BTN3A3: variants seen among roughly 807,000 people sequenced by gnomAD.
BTN3A3 encodes butyrophilin 3.
A neutral mutation model predicts 43.2 loss-of-function variants in BTN3A3; 39 were observed. The ratio of observed to expected loss-of-function variants is 0.90; its 90% CI spans 0.70 to 1.18. The LOEUF (loss-of-function observed/expected upper bound fraction) is 1.18. BTN3A3 is among the 50% of genes most tolerant of loss of function. BTN3A3 has a pLI of 0.00. For synonymous variants in BTN3A3, 255 were observed against 272.7 expected (o/e 0.93, Z 0.64); for missense variants, 631 against 722.8 (o/e 0.87, Z 1.46).
intron 10 of BTN3A3, among the ~76,000 whole-genome samples, chr6:26,450,927 TCTC>T (rs144599817): frequency 9.5e-4 from 145 of 152,232 alleles, no homozygotes; most frequent in African/African-American, 3.2e-3. Flanking sequence ...ACAGTGTGTC[TCTC>T]CTTTCTTTCT....
Position 26,452,267 on chromosome 6 carries a change from C to T in BTN3A3, c.1611C>T (p.Thr537=), listed in dbSNP as rs751555402. ...ATCATTCCCTGGAGACACCACTGAC[C>T]CCGGGCTTAGCTAATGAAAGTGGGG... The part of the protein sequence containing the change: ...VPDHSLETPL[T]PGLANESGEP... The change falls in exon 11 of 11, where the codon ACC becomes ACT. Residue 537 remains threonine (T), a synonymous_variant. Coordinates refer to ENST00000244519, the MANE Select transcript of BTN3A3 (RefSeq NM_006994.5). The T allele has an allele frequency of 6.2e-7, 1 of 1,613,994 alleles. No individual in the cohort carries two copies. Among genetic ancestry groups the T allele is most frequent in the South Asian group, 1.1e-5 (1 of 91,086 alleles).
intron 4 of BTN3A3, chr6:26,444,830 G>C (rs996869419): frequency 9.8e-6 from 2 of 203,366 alleles, no homozygotes; most frequent in Non-Finnish European, 2.0e-5. Flanking sequence ...TAAGGTTTTA[G>C]AGCAGATTTA....
In BTN3A3 at chr6:26,449,390, G is replaced by A. The variant is rs3846850; in HGVS notation, c.965-272G>A. On this transcript the variant is annotated intron_variant, in intron 8 of 10. Transcript: ENST00000244519. ...TAGACATGGTGACACCTATGCCCAG[G>A]TACAGGAGTATAGACAGATTCAAAA... 9.7e-3 allele frequency: 4,609 copies of A among 477,376 alleles called. 114 individuals are homozygous for A. The highest frequency in any genetic ancestry group is 0.066 in the African/African-American group (3,321 of 50,596). The allele number at this position is 477,376 out of a possible 1,614,324, so 29.6% of individuals were successfully genotyped here.
Position 26,445,141 on chromosome 6 carries a change from C to T in BTN3A3, c.434-563C>T, listed in dbSNP as rs372560432. The stretch of plus-strand genomic sequence containing the variant: ...GTCTTGTATTTCCCATGATCTGTCA[C>T]AGTGATAAAGTACTATTTTTTGTGT... On this transcript the variant is annotated intron_variant, in intron 4 of 10. Transcript: ENST00000244519. 5.5e-4 allele frequency: 88 copies of T among 160,198 alleles called. 1 individual carries two copies. In the South Asian group the frequency reaches 0.014, roughly 25 times the overall value. 9.9% of individuals were successfully genotyped at this position (160,198 alleles called of 1,614,324 possible). A position where few individuals can be genotyped will look rare whatever the true frequency, so the allele number is the denominator to read the frequency against.
intron 1 of BTN3A3, among the ~76,000 whole-genome samples, chr6:26,441,063 T>A (rs1762617672): frequency 6.6e-6 from 1 of 152,200 alleles, no homozygotes. Context: ...GAGATGTGCC[T>A]TATAGATTCA....
chr6:26,441,918 C>T (rs1042494829), intron 1 of BTN3A3, among the ~76,000 whole-genome samples: 2 of 152,170 alleles, frequency 1.3e-5, no homozygotes, highest in African/African-American at 4.8e-5. Context: ...ACATATGTCT[C>T]ACTCTAAGCA....
chr6:26,453,278 C>A lies in BTN3A3; in HGVS notation c.*867C>A, dbSNP rs1401597778. The A allele has an allele frequency of 6.6e-6, 1 of 152,010 alleles. No individual in the cohort carries two copies. The highest frequency in any genetic ancestry group is 2.4e-5 in the African/African-American group (1 of 41,276). 9.4% of individuals were successfully genotyped at this position (152,010 alleles called of 1,614,324 possible). Reference sequence around the variant, plus strand: ...CCTGGTCATTGGTGGATGTTAAACCCATATTCCTTTCAACTGCTGCCTGCT... The same window carrying A: ...CCTGGTCATTGGTGGATGTTAAACCAATATTCCTTTCAACTGCTGCCTGCT... On this transcript the variant is annotated 3_prime_UTR_variant, in exon 11 of 11. Coordinates refer to ENST00000244519, the MANE Select transcript of BTN3A3 (RefSeq NM_006994.5).
chr6:26,450,382 G>A (rs774938538), intron 10 of BTN3A3, among the ~76,000 whole-genome samples: 1 of 152,132 alleles, frequency 6.6e-6, no homozygotes, highest in African/African-American at 2.4e-5. Flanking sequence ...ACACATAAAG[G>A]GTGGAGCTGA....
In BTN3A3 at chr6:26,448,347, G is replaced by C. The variant is rs146453476; in HGVS notation, c.815G>C (p.Arg272Thr). The C allele has an allele frequency of 6.2e-7, 1 of 1,613,756 alleles. No individual in the cohort carries two copies. Among genetic ancestry groups the C allele is most frequent in the African/African-American group, 1.3e-5 (1 of 74,796 alleles). ...GCAGGAGCCAGTTACTTCTTGTGGAGACAACAGAAGGAAAAAATTGCTCTG... is the reference window on the plus strand; with the variant it reads ...GCAGGAGCCAGTTACTTCTTGTGGACACAACAGAAGGAAAAAATTGCTCTG... ...LLAGASYFLW[R>T]QQKEKIALSR... The change falls in exon 6 of 11, where the codon AGA (arginine) becomes ACA (threonine). Residue 272 changes from arginine to threonine, a missense_variant. Transcript: ENST00000244519.
chr6:26,441,802 A>G (rs1424650457), intron 1 of BTN3A3, among the ~76,000 whole-genome samples: 2 of 152,162 alleles, frequency 1.3e-5, no homozygotes, highest in Non-Finnish European at 2.9e-5. Context: ...AATTGCTAAG[A>G]TTGCAGGCAT....
At position 26,451,539 on chromosome 6, in the gene BTN3A3, G is replaced by C. The variant is rs1581659839; in HGVS notation, c.1019-136G>C. On this transcript the variant is annotated intron_variant, in intron 10 of 10. Coordinates refer to ENST00000244519, the MANE Select transcript of BTN3A3 (RefSeq NM_006994.5). ...GCTTTCTCCCATGACATTGATGAGA[G>C]AGTCATATTTAGAGCAGGCTAGGGA... 2.8e-6 allele frequency: 4 copies of C among 1,451,112 alleles called. No homozygotes were observed. In the South Asian group the frequency reaches 4.5e-5, roughly 16 times the overall value. 89.9% of individuals were successfully genotyped at this position (1,451,112 alleles called of 1,614,324 possible).
intron 1 of BTN3A3, among the ~76,000 whole-genome samples, chr6:26,441,678 CTACA>C (rs569983446): frequency 2.3e-4 from 35 of 152,060 alleles, no homozygotes; most frequent in South Asian, 4.2e-4. Flanking sequence ...ATGATTACTA[CTACA>C]GAGTTTTAAT....
intron 3 of BTN3A3, 145 bp downstream of exon 3, chr6:26,443,804 A>T: frequency 6.7e-7 from 1 of 1,497,268 alleles, no homozygotes; most frequent in Middle Eastern, 1.7e-4. Flanking sequence ...AACCTGAAGG[A>T]CCACCTGTCA....
At position 26,452,293 on chromosome 6, in the gene BTN3A3, A is replaced by G. The variant is rs750141148; in HGVS notation, c.1637A>G (p.Glu546Gly). ...CCGGGCTTAGCTAATGAAAGTGGGG[A>G]GCCTCAGGCTGAAGTAACATCTCTG... ...LTPGLANESG[E>G]PQAEVTSLLL... The change falls in exon 11 of 11, where the codon GAG becomes GGG. Residue 546 changes from glutamate (E) to glycine (G), a missense_variant. By Grantham distance (98) the Glu-to-Gly change is moderately conservative. Coordinates refer to ENST00000244519, the MANE Select transcript of BTN3A3 (RefSeq NM_006994.5). 1 of 1,614,022 alleles carries G rather than the reference A, an allele frequency of 6.2e-7. No homozygotes were observed. Among genetic ancestry groups the G allele is most frequent in the Non-Finnish European group, 8.5e-7 (1 of 1,179,992 alleles).
intron 4 of BTN3A3, chr6:26,444,688 G>A (rs1762727808): frequency 2.9e-6 from 1 of 343,684 alleles, no homozygotes; most frequent in Non-Finnish European, 5.5e-6. Flanking sequence ...AGGTGGAATG[G>A]TGACTGTATC....
intron 4 of BTN3A3, chr6:26,445,415 A>T: frequency 2.6e-6 from 1 of 377,952 alleles, no homozygotes; most frequent in Non-Finnish European, 4.8e-6. Flanking sequence ...TGAAGGTCAC[A>T]AGTCAACTCA....
At chr6:26,450,687 G>A (rs968768469) in intron 10 of BTN3A3, among the ~76,000 whole-genome samples, 6 of 152,136 alleles carry the variant, frequency 3.9e-5, no homozygotes, top group Non-Finnish European at 8.8e-5. Flanking sequence ...GGTTGAAAAA[G>A]GTTTGCGGAA....
chr6:26,452,141 A>T lies in BTN3A3; in HGVS notation c.1485A>T (p.Leu495=), dbSNP rs752082760. 1.9e-6 allele frequency: 3 copies of T among 1,613,982 alleles called. No individual in the cohort carries two copies. In the African/African-American group the frequency reaches 4.0e-5, roughly 22 times the overall value. The change falls in exon 11 of 11, where the codon CTA becomes CTT. Residue 495 remains leucine (L), a synonymous_variant. Transcript: ENST00000244519. ...TFPHASFSEP[L]YPVFRILTLE... is the part of the protein sequence containing the mutation. ...CGCACGCCTCTTTCTCTGAGCCTCT[A>T]TATCCTGTTTTCAGAATTTTGACCT...
intron 4 of BTN3A3, 127 bp from the exon 5 acceptor site, chr6:26,445,577 C>A: frequency 1.6e-6 from 2 of 1,223,198 alleles, no homozygotes; most frequent in Non-Finnish European, 2.3e-6. Context: ...CATGACCACA[C>A]TTGTGTAAAT....
Sources: gnomAD v4.1 joint callset for allele counts (sites outside exome capture counted in the v4.1 genomes callset) on GRCh38, gnomAD v4.1.1 for gene constraint, MANE v1.5 for transcripts, NCBI Gene and HGNC (gene_info 2026-07-23, HGNC 2026-07-21) for gene names.